EPB41: variants seen among roughly 807,000 people sequenced by gnomAD.
EPB41 encodes erythrocyte membrane protein band 4.1, also known as protein 4.1.
In EPB41, 65 loss-of-function variants were observed where a neutral mutation model predicts 108.0. The observed-to-expected ratio is 0.60, with a 90% confidence interval of 0.49 to 0.74. The LOEUF (loss-of-function observed/expected upper bound fraction) is 0.74, where lower values mean the gene tolerates loss of function less well. EPB41 is among the 30% of genes least tolerant of loss of function. EPB41 has a pLI of 0.00. For missense variants in EPB41, 875 were observed against 1,037.0 expected, an observed-to-expected ratio of 0.84 and a Z score of 2.15; for synonymous variants, 336 against 358.9, an observed-to-expected ratio of 0.94 and a Z score of 0.72.
intron 1 of EPB41, among the ~76,000 whole-genome samples, chr1:28,945,384 T>C (rs995526310): frequency 3.7e-4 from 56 of 152,208 alleles, no homozygotes; most frequent in African/African-American, 1.3e-3. Context: ...ATTCTCTTTA[T>C]TGATGTCCTT....
intron 1 of EPB41, among the ~76,000 whole-genome samples, chr1:28,952,234 A>G (rs1270260028): frequency 2.0e-5 from 3 of 151,756 alleles, no homozygotes; most frequent in Non-Finnish European, 4.4e-5. Context: ...CAGTTATCAA[A>G]GTGGTTCGTG....
At position 29,061,197 on chromosome 1, in the gene EPB41, G is replaced by C. The variant is rs929964437; in HGVS notation, c.2007+713G>C. ...TTGCACTCTGAAATAGCAACATGCT[G>C]TCTGCTATAGGAGTTGTAAGATTAT... is the stretch of plus-strand genomic sequence containing the variant. On this transcript the variant is annotated intron_variant, in intron 15 of 20. Coordinates refer to ENST00000343067, the MANE Select transcript of EPB41 (RefSeq NM_001376013.1). Among the ~76,000 whole-genome samples, 4 of 152,264 alleles carry C rather than the reference G, an allele frequency of 2.6e-5. No individual in the cohort carries two copies. The East Asian group carries it at 7.7e-4, about 29-fold the overall frequency.
chr1:28,929,330 A>G (rs2093613146), intron 1 of EPB41, among the ~76,000 whole-genome samples: 1 of 150,434 alleles, frequency 6.6e-6, no homozygotes, highest in Non-Finnish European at 1.5e-5. Context: ...GGTTCACGCC[A>G]TTCTCCTGCC....
intron 12 of EPB41, among the ~76,000 whole-genome samples, chr1:29,055,191 G>C (rs1324020856): frequency 6.6e-6 from 1 of 152,156 alleles, no homozygotes; most frequent in Non-Finnish European, 1.5e-5. Context: ...TTGGTCATCA[G>C]GTTCACTGTC....
intron 7 of EPB41, among the ~76,000 whole-genome samples, chr1:29,020,935 G>A (rs567753083): frequency 7.2e-5 from 11 of 152,144 alleles, no homozygotes; most frequent in South Asian, 4.1e-4. Context: ...GAACCTCTGC[G>A]CCCGGCCTAA....
At chr1:28,971,157 CTTTT>C (rs1012188921) in intron 1 of EPB41, among the ~76,000 whole-genome samples, 3 of 116,410 alleles carry the variant, frequency 2.6e-5, no homozygotes, top group Admixed American at 8.8e-5. Context: ...CGCATTTAAT[CTTTT>C]TTTTTTCTTT....
At position 29,053,175 on chromosome 1, in the gene EPB41, G is replaced by A; in HGVS notation, c.1708G>A (p.Ala570Thr). The A allele has an allele frequency of 1.2e-6, 2 of 1,614,212 alleles. No individual in the cohort carries two copies. The highest frequency in any genetic ancestry group is 1.7e-6 in the Non-Finnish European group (2 of 1,180,038). Residue 570 changes from alanine to threonine, a missense_variant, in exon 12 of 21, where the codon GCA (alanine) becomes ACA (threonine). Coordinates refer to ENST00000343067, the MANE Select transcript of EPB41 (RefSeq NM_001376013.1). ...SAPAITQGQV[A>T]EGGVLDASAK... ...ACCTGCCATTACTCAGGGTCAGGTT[G>A]CAGAAGGTGGCGTCCTAGATGCCTC...
chr1:29,109,797 G>A, intron 18 of EPB41: 1 of 349,530 alleles, frequency 2.9e-6, no homozygotes, highest in South Asian at 2.4e-5. Flanking sequence ...ACTTTGGGAG[G>A]CCAAGGCAGG....
intron 1 of EPB41, among the ~76,000 whole-genome samples, chr1:28,928,131 C>G (rs1215088942): frequency 6.6e-6 from 1 of 151,930 alleles, no homozygotes; most frequent in African/African-American, 2.4e-5. Flanking sequence ...TATTATGCTT[C>G]TGTAATATCT....
At chr1:28,946,985 T>C (rs574158606) in intron 1 of EPB41, among the ~76,000 whole-genome samples, 2 of 152,320 alleles carry the variant, frequency 1.3e-5, no homozygotes, top group South Asian at 2.1e-4. Context: ...TAGAGCTAAA[T>C]ATGCAGAGCA....
intron 4 of EPB41, among the ~76,000 whole-genome samples, chr1:29,006,864 C>T (rs1383973832): frequency 2.0e-5 from 3 of 151,558 alleles, no homozygotes; most frequent in Non-Finnish European, 4.4e-5. Context: ...TGTGCCACTG[C>T]ACTCCTGCCT....
chr1:29,021,057 A>G (rs1039602894), intron 7 of EPB41, among the ~76,000 whole-genome samples: 1 of 152,310 alleles, frequency 6.6e-6, no homozygotes, highest in African/African-American at 2.4e-5. Flanking sequence ...AATAATCATA[A>G]TAAGTAGCCA....
At chr1:29,030,531 TTA>T (rs1558080935) in intron 8 of EPB41, 44 bp downstream of exon 8, 1 of 1,347,812 alleles carries the variant, frequency 7.4e-7, no homozygotes. Context: ...GTGGAAGATA[TTA>T]TATGATACAT....
intron 1 of EPB41, among the ~76,000 whole-genome samples, chr1:28,915,728 A>G (rs1175968977): frequency 1.3e-4 from 7 of 54,740 alleles, no homozygotes; most frequent in South Asian, 5.2e-4. Flanking sequence ...TTTTTTTCAG[A>G]TGCTTTTTTT....
chr1:28,920,366 A>G (rs965552826), intron 1 of EPB41, among the ~76,000 whole-genome samples: 1 of 152,214 alleles, frequency 6.6e-6, no homozygotes, highest in African/African-American at 2.4e-5. Flanking sequence ...TGTTATTTAT[A>G]GATGCAACCT....
chr1:28,979,024 C>T (rs965966517), intron 1 of EPB41, among the ~76,000 whole-genome samples: 2 of 151,360 alleles, frequency 1.3e-5, no homozygotes, highest in African/African-American at 4.9e-5. Flanking sequence ...TATCTATATA[C>T]ATATCCTATT....
chr1:29,032,643 G>C (rs1470386193), intron 8 of EPB41, among the ~76,000 whole-genome samples: 1 of 152,054 alleles, frequency 6.6e-6, no homozygotes, highest in Non-Finnish European at 1.5e-5. Flanking sequence ...ATTTTTTAAA[G>C]TTGTCTTTAA....
chr1:29,012,374 C>G (rs1008134348), intron 5 of EPB41, among the ~76,000 whole-genome samples: 3 of 152,056 alleles, frequency 2.0e-5, no homozygotes, highest in African/African-American at 7.2e-5. Context: ...TTTTAACAGT[C>G]CTCTTCCAAA....
At chr1:29,028,889 A>T (rs1459061927) in intron 7 of EPB41, among the ~76,000 whole-genome samples, 1 of 152,040 alleles carries the variant, frequency 6.6e-6, no homozygotes, top group Non-Finnish European at 1.5e-5. Flanking sequence ...GAAAAATAAG[A>T]AAACTAGCTG....
Sources: gnomAD v4.1 joint callset for allele counts (sites outside exome capture counted in the v4.1 genomes callset) on GRCh38, gnomAD v4.1.1 for gene constraint, MANE v1.5 for transcripts, NCBI Gene and HGNC (gene_info 2026-07-23, HGNC 2026-07-21) for gene names.